Variants in CLVS1 observed in about 807,000 individuals in gnomAD.
CLVS1 encodes clavesin-1.
CLVS1 carries 10 observed loss-of-function variants against 33.1 expected under a neutral mutation model. That is an observed-to-expected ratio of 0.30 (90% CI 0.19 to 0.51). The LOEUF (loss-of-function observed/expected upper bound fraction) is 0.51, where lower values mean the gene tolerates loss of function less well. CLVS1 is among the 20% of genes least tolerant of loss of function. CLVS1 has a pLI of 0.97. For missense variants in CLVS1, 343 were observed against 433.4 expected, an observed-to-expected ratio of 0.79 and a Z score of 1.85; for synonymous variants, 163 against 166.1, an observed-to-expected ratio of 0.98 and a Z score of 0.14.
intron 2 of CLVS1, among the ~76,000 whole-genome samples, chr8:61,167,235 C>G (rs941971867): frequency 2.7e-5 from 4 of 149,090 alleles, no homozygotes; most frequent in African/African-American, 9.9e-5. Flanking sequence ...ACTGTTGTTG[C>G]CCAGGCTGGA....
intron 2 of CLVS1, among the ~76,000 whole-genome samples, chr8:61,238,428 C>T (rs1012977499): frequency 1.3e-5 from 2 of 152,006 alleles, no homozygotes; most frequent in Non-Finnish European, 2.9e-5. Context: ...CTTTTTCCCC[C>T]ACAAAGAGAT....
At chr8:60,975,234 A>AT in the CLVS1 span, among the ~76,000 whole-genome samples, 1 of 152,130 alleles carries the variant, frequency 6.6e-6, no homozygotes, top group African/African-American at 2.4e-5. Context: ...ATCCTGCATT[A>AT]TTTTTTTGAG....
chr8:61,405,145 C>T (rs1240971963), intron 3 of CLVS1, among the ~76,000 whole-genome samples: 1 of 152,226 alleles, frequency 6.6e-6, no homozygotes, highest in Non-Finnish European at 1.5e-5. Context: ...CTATTAGGCA[C>T]TATCCTAGTC....
intron 2 of CLVS1, among the ~76,000 whole-genome samples, chr8:61,146,732 G>C (rs1297984208): frequency 1.3e-5 from 2 of 152,236 alleles, no homozygotes; most frequent in African/African-American, 4.8e-5. Flanking sequence ...TTATTGGATT[G>C]GGGGTGTCCC....
At chr8:61,444,158 G>A (rs1291028797) in intron 3 of CLVS1, among the ~76,000 whole-genome samples, 1 of 152,126 alleles carries the variant, frequency 6.6e-6, no homozygotes, top group Non-Finnish European at 1.5e-5. Flanking sequence ...AATGTAGACA[G>A]TCATGTTATC....
At chr8:61,144,954 C>T (rs568150184) in intron 2 of CLVS1, among the ~76,000 whole-genome samples, 187 of 152,348 alleles carry the variant, frequency 1.2e-3, no homozygotes, top group African/African-American at 4.1e-3. Flanking sequence ...AGGTCTCGAA[C>T]TCCTGACCTC....
chr8:61,470,324 G>A (rs893190600), intron 5 of CLVS1, among the ~76,000 whole-genome samples: 1 of 152,194 alleles, frequency 6.6e-6, no homozygotes, highest in Non-Finnish European at 1.5e-5. Flanking sequence ...CTTAAAGAAT[G>A]ATGTGAAAAA....
intron 2 of CLVS1, among the ~76,000 whole-genome samples, chr8:61,339,520 A>G (rs1037547249): frequency 2.6e-5 from 4 of 152,078 alleles, no homozygotes; most frequent in Non-Finnish European, 4.4e-5. Flanking sequence ...TTTGAAGGTC[A>G]CCCATGTCCC....
At chr8:61,440,788 C>G (rs1816510554) in intron 3 of CLVS1, among the ~76,000 whole-genome samples, 1 of 152,196 alleles carries the variant, frequency 6.6e-6, no homozygotes, top group Admixed American at 6.5e-5. Context: ...CTCCTAACCT[C>G]AAAGGAACAC....
At chr8:60,980,215 T>C in the CLVS1 span, among the ~76,000 whole-genome samples, 1 of 152,266 alleles carries the variant, frequency 6.6e-6, no homozygotes, top group South Asian at 2.1e-4. Flanking sequence ...TGTCCTCTTC[T>C]AGGTCTTGGG....
In CLVS1 at chr8:61,445,992, T is replaced by C. The variant is rs1327663570; in HGVS notation, c.631-8149T>C. Among the ~76,000 whole-genome samples the C allele has an allele frequency of 2.0e-5, 3 of 152,182 alleles. No homozygotes were observed. The South Asian group carries it at 6.2e-4, about 31-fold the overall frequency. Reference sequence around the variant, plus strand: ...GCTTATCCTTTTGGTGTCTGCAGGGTCTATAGTAGTATGCCCTATTTCATT... The same window carrying C: ...GCTTATCCTTTTGGTGTCTGCAGGGCCTATAGTAGTATGCCCTATTTCATT... On this transcript the variant is annotated intron_variant, in intron 3 of 5. Transcript: ENST00000325897.
chr8:61,494,079 G>A (rs1804190115), intron 5 of CLVS1, among the ~76,000 whole-genome samples: 1 of 152,182 alleles, frequency 6.6e-6, no homozygotes, highest in Non-Finnish European at 1.5e-5. Context: ...GTAGACCTGA[G>A]AGCAGAACTC....
intron 2 of CLVS1, among the ~76,000 whole-genome samples, chr8:61,181,912 A>G (rs1807246366): frequency 6.6e-6 from 1 of 151,980 alleles, no homozygotes; most frequent in Admixed American, 6.6e-5. Context: ...TGTGTTAGCC[A>G]GGATGGTCTC....
At position 61,336,190 on chromosome 8, in the gene CLVS1, C is replaced by G. The variant is rs184063922; in HGVS notation, c.455+35908C>G. Among the ~76,000 whole-genome samples, 3 of 152,282 alleles carry G rather than the reference C, an allele frequency of 2.0e-5. No individual in the cohort carries two copies. The East Asian group carries it at 5.8e-4, about 29-fold the overall frequency. ...ATTCAAATTTCCTTCAGGATACAGT[C>G]TCACCATATATCCTCCTTGAGAACA... On this transcript the variant is annotated intron_variant, in intron 2 of 5. Coordinates refer to ENST00000325897, the MANE Select transcript of CLVS1 (RefSeq NM_173519.3).
intron 2 of CLVS1, among the ~76,000 whole-genome samples, chr8:61,242,313 T>C (rs1397529725): frequency 2.6e-5 from 4 of 152,210 alleles, no homozygotes; most frequent in Non-Finnish European, 5.9e-5. Flanking sequence ...CTCCACATAT[T>C]TCTGAGTCTC....
intron 2 of CLVS1, among the ~76,000 whole-genome samples, chr8:61,155,976 G>C (rs1806639328): frequency 6.6e-6 from 1 of 152,160 alleles, no homozygotes; most frequent in Non-Finnish European, 1.5e-5. Flanking sequence ...ATTTTGGGAG[G>C]CTGAGGTAGG....
chr8:60,974,277 G>T, the CLVS1 span, among the ~76,000 whole-genome samples: 2 of 152,178 alleles, frequency 1.3e-5, no homozygotes, highest in African/African-American at 4.8e-5. Flanking sequence ...GAGGCCAGCA[G>T]CTCTGTTTGT....
At chr8:61,360,440 CCAAT>C (rs144687236) in intron 2 of CLVS1, among the ~76,000 whole-genome samples, 5 of 151,958 alleles carry the variant, frequency 3.3e-5, no homozygotes, top group South Asian at 2.1e-4. Flanking sequence ...AACAGAATTG[CCAAT>C]CAATCAATCA....
chr8:61,441,009 A>C (rs1427697034), intron 3 of CLVS1, among the ~76,000 whole-genome samples: 1 of 152,206 alleles, frequency 6.6e-6, no homozygotes, highest in African/African-American at 2.4e-5. Context: ...ATTTTCTTTC[A>C]AATAGGTGGA....
Sources: gnomAD v4.1 joint callset for allele counts (sites outside exome capture counted in the v4.1 genomes callset) on GRCh38, gnomAD v4.1.1 for gene constraint, MANE v1.5 for transcripts, NCBI Gene and HGNC (gene_info 2026-07-23, HGNC 2026-07-21) for gene names.